Variants in TWIST2 observed in about 807,000 individuals in gnomAD.
TWIST2 encodes twist family bHLH transcription factor 2, also known as twist-related protein 2.
A neutral mutation model predicts 11.6 loss-of-function variants in TWIST2; 1 was observed. The observed-to-expected ratio is 0.09, with a 90% confidence interval of 0.03 to 0.41. The LOEUF (loss-of-function observed/expected upper bound fraction) is 0.41. Among genes scored for constraint, TWIST2 ranks in the 10% least tolerant of loss-of-function variants. The probability of loss-of-function intolerance (pLI) is 0.98; values close to 1 mark genes in which losing one functional copy is unlikely to be tolerated. For synonymous variants in TWIST2, 87 were observed against 96.6 expected (o/e 0.90, Z 0.58); for missense variants, 168 against 226.4 (o/e 0.74, Z 1.66).
chr2:238,904,688 T>C (rs1450640219), intron 1 of TWIST2, among the ~76,000 whole-genome samples: 2 of 152,112 alleles, frequency 1.3e-5, no homozygotes, highest in African/African-American at 2.4e-5. Flanking sequence ...CCCTGCTAGA[T>C]TTCTCTGATC....
At chr2:238,853,162 A>G (rs1692270750) in intron 1 of TWIST2, among the ~76,000 whole-genome samples, 1 of 152,212 alleles carries the variant, frequency 6.6e-6, no homozygotes, top group Non-Finnish European at 1.5e-5. Flanking sequence ...AATAAAGAAA[A>G]TATTTTACAC....
At position 238,866,916 on chromosome 2, in the gene TWIST2, G is replaced by C. The variant is rs1393797620; in HGVS notation, c.*35+18183G>C. Among the ~76,000 whole-genome samples, 1 of 152,150 alleles carries C rather than the reference G, an allele frequency of 6.6e-6. No individual in the cohort carries two copies. Among genetic ancestry groups the C allele is most frequent in the African/African-American group, 2.4e-5 (1 of 41,420 alleles). ...TCCTTGTCATGTATCCGGATGCCCG[G>C]CTCAGCCCATGCCCTGCACAAGTGG... On this transcript the variant is annotated intron_variant, in intron 1 of 1. Coordinates refer to ENST00000612363, the MANE Select transcript of TWIST2 (RefSeq NM_001271893.4). The surrounding 1 kb of genome is among the most constrained non-coding windows in gnomAD (Gnocchi z 4.9).
intron 1 of TWIST2, among the ~76,000 whole-genome samples, chr2:238,891,974 AGTTC>A (rs1693142163): frequency 6.6e-6 from 1 of 152,138 alleles, no homozygotes; most frequent in African/African-American, 2.4e-5. Flanking sequence ...TTAGCCCTGG[AGTTC>A]GTTCACGGAG....
chr2:238,905,004 AGAAAG>A (rs1239004870), intron 1 of TWIST2, among the ~76,000 whole-genome samples: 2 of 151,590 alleles, frequency 1.3e-5, no homozygotes, highest in South Asian at 2.1e-4. Flanking sequence ...AAGAAAGAAA[AGAAAG>A]GAAGGAAGGA....
In TWIST2 at chr2:238,848,375, G is replaced by A. The variant is rs1458958603; in HGVS notation, c.160G>A (p.Gly54Ser). 2.9e-5 allele frequency: 45 copies of A among 1,534,848 alleles called. No individual in the cohort carries two copies. The highest frequency in any genetic ancestry group is 3.8e-5 in the Non-Finnish European group (44 of 1,146,032). Residue 54 changes from glycine to serine, a missense_variant, in exon 1 of 2, where the codon GGC (glycine) becomes AGC (serine). Gly to Ser is a moderately conservative substitution (Grantham distance 56). This residue lies in a region of TWIST2 where 83 missense variants were observed against 92.7 expected (regional missense o/e 0.90). Transcript: ENST00000612363. ...GACCCCGGGCAAGCGCGGCAAGAAG[G>A]GCAGCCCCAGCGCGCAGTCCTTCGA... ...SPTPGKRGKK[G>S]SPSAQSFEEL... is the part of the protein sequence containing the mutation.
rs917882666 is a variant in TWIST2, at chr2:238,864,396, C to A, written c.*35+15663C>A. Reference sequence around the variant, plus strand: ...GCGGGCCTCCTGCATGAATCAGAGCCGACTGGGAGCAGGAGTGACTCAGAG... The same window carrying A: ...GCGGGCCTCCTGCATGAATCAGAGCAGACTGGGAGCAGGAGTGACTCAGAG... On this transcript the variant is annotated intron_variant, in intron 1 of 1. Transcript: ENST00000612363. The surrounding 1 kb of genome is among the most constrained non-coding windows in gnomAD (Gnocchi z 4.7). Among the ~76,000 whole-genome samples the A allele has an allele frequency of 1.3e-5, 2 of 152,236 alleles. No homozygotes were observed. Among genetic ancestry groups the A allele is most frequent in the Non-Finnish European group, 2.9e-5 (2 of 68,048 alleles).
At chr2:238,901,138 G>T (rs903297414) in intron 1 of TWIST2, among the ~76,000 whole-genome samples, 3,507 of 151,914 alleles carry the variant, frequency 0.023, 56 homozygotes, top group South Asian at 0.061. Flanking sequence ...CAACCATGCT[G>T]GCTAATTTTT....
chr2:238,866,905 C>A lies in TWIST2; in HGVS notation c.*35+18172C>A, dbSNP rs573312716. Among the ~76,000 whole-genome samples, 7 of 152,300 alleles carry A rather than the reference C, an allele frequency of 4.6e-5. No homozygotes were observed. The East Asian group carries it at 1.4e-3, about 29-fold the overall frequency. The stretch of plus-strand genomic sequence containing the variant: ...TCAGGACTGTGTCCTTGTCATGTAT[C>A]CGGATGCCCGGCTCAGCCCATGCCC... On this transcript the variant is annotated intron_variant, in intron 1 of 1. Coordinates refer to ENST00000612363, the MANE Select transcript of TWIST2 (RefSeq NM_001271893.4). The surrounding 1 kb of genome is among the most constrained non-coding windows in gnomAD (Gnocchi z 4.9).
At chr2:238,906,602 C>G (rs1405393976) in intron 1 of TWIST2, among the ~76,000 whole-genome samples, 1 of 145,502 alleles carries the variant, frequency 6.9e-6, no homozygotes, top group Non-Finnish European at 1.6e-5. Context: ...CACACACTCA[C>G]TCTGGACATT....
At chr2:238,853,678 G>A (rs1339667087) in intron 1 of TWIST2, among the ~76,000 whole-genome samples, 1 of 152,186 alleles carries the variant, frequency 6.6e-6, no homozygotes, top group Non-Finnish European at 1.5e-5. Context: ...GAGGCACAGT[G>A]TGATTTCTCT....
At chr2:238,892,265 G>A (rs945187906) in intron 1 of TWIST2, among the ~76,000 whole-genome samples, 2 of 152,342 alleles carry the variant, frequency 1.3e-5, no homozygotes, top group East Asian at 3.9e-4. Context: ...AGAAACAGAG[G>A]TCCAGGTGGA....
At chr2:238,855,838 T>C (rs1351016406) in intron 1 of TWIST2, among the ~76,000 whole-genome samples, 1 of 152,214 alleles carries the variant, frequency 6.6e-6, no homozygotes, top group Non-Finnish European at 1.5e-5. Context: ...CGAAGCCTCG[T>C]GCGGCCCATA....
chr2:238,848,791 C>A, intron 1 of TWIST2, 58 bp downstream of exon 1: 1 of 1,282,444 alleles, frequency 7.8e-7, no homozygotes, highest in Non-Finnish European at 9.9e-7. Flanking sequence ...GGCAGGGGCG[C>A]AGGGGCATTG....
Position 238,892,451 on chromosome 2 carries a change from C to T in TWIST2, c.*36-17391C>T, listed in dbSNP as rs1693152599. Among the ~76,000 whole-genome samples the T allele has an allele frequency of 2.6e-5, 4 of 152,270 alleles. No homozygotes were observed. In the South Asian group the frequency reaches 8.3e-4, roughly 32 times the overall value. ...GTCCTGCCCCTGAAATTTACTTTTTCCCTCTAATATGGTTTTTTGTTTGTT... is the reference window on the plus strand; with the variant it reads ...GTCCTGCCCCTGAAATTTACTTTTTTCCTCTAATATGGTTTTTTGTTTGTT... On this transcript the variant is annotated intron_variant, in intron 1 of 1. Coordinates refer to ENST00000612363, the MANE Select transcript of TWIST2 (RefSeq NM_001271893.4).
intron 1 of TWIST2, among the ~76,000 whole-genome samples, chr2:238,889,953 GGTGGAGGCTGCCCAGCCTGGCCTGT>G (rs1559281852): frequency 2.4e-5 from 1 of 41,504 alleles, no homozygotes; most frequent in South Asian, 7.1e-4. Flanking sequence ...GAGCTGCCTG[GGTGGAGGCTGCCCAGCCTGGCCTGT>G]GCGGAGGCTG....
intron 1 of TWIST2, among the ~76,000 whole-genome samples, chr2:238,850,194 A>T (rs943464583): frequency 9.9e-5 from 15 of 152,204 alleles, no homozygotes; most frequent in Non-Finnish European, 1.3e-4. Context: ...TATAGTTTTT[A>T]AAAAATAATT....
chr2:238,876,193 C>T (rs1469406096), intron 1 of TWIST2, among the ~76,000 whole-genome samples: 1 of 152,204 alleles, frequency 6.6e-6, no homozygotes, highest in Non-Finnish European at 1.5e-5. Context: ...GGCTGAACCT[C>T]ACTAGAGTGA....
At chr2:238,879,869 C>G (rs561275583) in intron 1 of TWIST2, among the ~76,000 whole-genome samples, 2 of 152,350 alleles carry the variant, frequency 1.3e-5, no homozygotes, top group South Asian at 4.1e-4. Context: ...GTGCAGAGAG[C>G]ATTCTGCACA....
intron 1 of TWIST2, among the ~76,000 whole-genome samples, chr2:238,871,654 C>A (rs1692705776): frequency 1.3e-5 from 1 of 75,030 alleles, no homozygotes; most frequent in Admixed American, 1.4e-4. Context: ...CAAACACCCC[C>A]CCCACACACA....
Sources: allele counts gnomAD v4.1 joint callset (sites outside exome capture counted in the v4.1 genomes callset), GRCh38; gene constraint gnomAD v4.1.1; regional missense constraint gnomAD v4.1.1; non-coding constraint Gnocchi (gnomAD v3.1); transcripts MANE v1.5; gene names NCBI Gene and HGNC (gene_info 2026-07-23, HGNC 2026-07-21).